The following FRMD4B variants were observed in gnomAD, a reference collection of about 807,000 sequenced individuals.
FRMD4B encodes the protein FERM domain containing 4B.
FRMD4B carries 74 observed loss-of-function variants against 141.5 expected under a neutral mutation model. That is an observed-to-expected ratio of 0.52 (90% CI 0.43 to 0.63). The LOEUF is 0.63. Ranked by LOEUF, FRMD4B falls within the 30% of genes least tolerant of loss-of-function variation. The pLI is 0.00. For synonymous variants in FRMD4B, 506 were observed against 467.9 expected, an observed-to-expected ratio of 1.08 and a Z score of -1.05; for missense variants, 1,366 against 1,253.4, an observed-to-expected ratio of 1.09 and a Z score of -1.36.
chr3:69,535,217 A>G (rs1701066760), intron 1 of FRMD4B, among the ~76,000 whole-genome samples: 1 of 151,782 alleles, frequency 6.6e-6, no homozygotes, highest in Non-Finnish European at 1.5e-5. Flanking sequence ...ACCAGTATTC[A>G]CAACAATGAC....
chr3:69,430,079 T>C (rs1705154015), intron 2 of FRMD4B, among the ~76,000 whole-genome samples: 1 of 152,132 alleles, frequency 6.6e-6, no homozygotes, highest in South Asian at 2.1e-4. Flanking sequence ...CTCTTCTTAT[T>C]GATCCAAGGC....
intron 5 of FRMD4B, among the ~76,000 whole-genome samples, chr3:69,267,591 GTGTGTATATATATATATATA>G (rs1488219913): frequency 3.1e-5 from 3 of 98,160 alleles, no homozygotes; most frequent in African/African-American, 1.3e-4. Flanking sequence ...GTGTGTGTGT[GTGTGTATATATATATATATA>G]TATATATATA....
Position 69,302,581 on chromosome 3 carries a change from C to G in FRMD4B, c.324-146G>C, listed in dbSNP as rs535452001. 2.0e-5 allele frequency: 12 copies of G among 601,300 alleles called. 1 individual carries two copies. In the South Asian group the frequency reaches 2.5e-4, roughly 13 times the overall value. 37.2% of individuals were successfully genotyped at this position (601,300 alleles called of 1,614,324 possible). On this transcript the variant is annotated intron_variant, in intron 3 of 22. Coordinates refer to ENST00000398540, the MANE Select transcript of FRMD4B (RefSeq NM_015123.3). ...CTGTTACAACTGGTAATGAGACCAACTCAGCAATTTCTTTCAAAACTATGA... is the reference window on the plus strand; with the variant it reads ...CTGTTACAACTGGTAATGAGACCAAGTCAGCAATTTCTTTCAAAACTATGA...
chr3:69,190,350 T>G (rs1000398553), intron 17 of FRMD4B, among the ~76,000 whole-genome samples: 6 of 152,084 alleles, frequency 3.9e-5, no homozygotes, highest in African/African-American at 1.4e-4. Flanking sequence ...GAATCCTCAT[T>G]TGAAAATCTA....
At chr3:69,364,126 G>T (rs910854896) in intron 1 of FRMD4B, among the ~76,000 whole-genome samples, 4 of 152,204 alleles carry the variant, frequency 2.6e-5, no homozygotes, top group Non-Finnish European at 1.5e-5. Context: ...GTTTAAATCA[G>T]GCTTAGAAAA....
intron 1 of FRMD4B, among the ~76,000 whole-genome samples, chr3:69,434,719 A>G (rs1575801584): frequency 6.6e-6 from 1 of 152,200 alleles, no homozygotes; most frequent in East Asian, 1.9e-4. Flanking sequence ...TTGGTACAAG[A>G]TACTTGTGAT....
intron 1 of FRMD4B, among the ~76,000 whole-genome samples, chr3:69,455,818 T>A (rs978342691): frequency 1.3e-5 from 2 of 152,238 alleles, no homozygotes; most frequent in African/African-American, 4.8e-5. Flanking sequence ...AACATTGTGC[T>A]GGCTCCCACT....
chr3:69,476,364 T>C (rs1286206679), intron 1 of FRMD4B, among the ~76,000 whole-genome samples: 2 of 152,218 alleles, frequency 1.3e-5, no homozygotes, highest in African/African-American at 4.8e-5. Flanking sequence ...TTATTCCATC[T>C]TGAATTAATT....
intron 1 of FRMD4B, among the ~76,000 whole-genome samples, chr3:69,515,486 A>G (rs1298454199): frequency 6.6e-6 from 1 of 152,068 alleles, no homozygotes. Context: ...TTGGTCTTTC[A>G]TTTGTATCAG....
At chr3:69,484,775 C>A (rs1474149312) in intron 1 of FRMD4B, among the ~76,000 whole-genome samples, 2 of 152,110 alleles carry the variant, frequency 1.3e-5, no homozygotes, top group Non-Finnish European at 2.9e-5. Context: ...CATCATCTCT[C>A]CATCCTCTCT....
At chr3:69,362,050 G>A (rs1427173154) in intron 1 of FRMD4B, among the ~76,000 whole-genome samples, 2 of 152,196 alleles carry the variant, frequency 1.3e-5, no homozygotes, top group Non-Finnish European at 2.9e-5. Flanking sequence ...TAGTGACTGT[G>A]AAGTAGTAGA....
chr3:69,307,255 A>G (rs1575713754), intron 3 of FRMD4B, among the ~76,000 whole-genome samples: 3 of 152,148 alleles, frequency 2.0e-5, no homozygotes, highest in African/African-American at 7.2e-5. Flanking sequence ...TGTGTGAACC[A>G]TTCTTCTCCC....
chr3:69,200,568 G>T lies in FRMD4B; in HGVS notation c.877-1794C>A. On this transcript the variant is annotated intron_variant, in intron 11 of 22. Coordinates refer to ENST00000398540, the MANE Select transcript of FRMD4B (RefSeq NM_015123.3). ...CAATTTCACAAACTGAGCCTCCCAC[G>T]GCTGACACACTACTGACATCAGCAA... 3 of 1,128,460 alleles carry T rather than the reference G, an allele frequency of 2.7e-6. No individual in the cohort carries two copies. In the South Asian group the frequency reaches 6.0e-5, roughly 23 times the overall value. The allele number at this position is 1,128,460 out of a possible 1,614,324, so 69.9% of individuals were successfully genotyped here.
intron 1 of FRMD4B, among the ~76,000 whole-genome samples, chr3:69,358,613 A>G (rs1246523696): frequency 6.6e-6 from 1 of 152,078 alleles, no homozygotes; most frequent in Non-Finnish European, 1.5e-5. Flanking sequence ...GCATGCGCCT[A>G]TAGTCCCAGA....
At chr3:69,236,466 T>G (rs2093346344) in intron 7 of FRMD4B, among the ~76,000 whole-genome samples, 1 of 152,132 alleles carries the variant, frequency 6.6e-6, no homozygotes, top group African/African-American at 2.4e-5. Context: ...TGACCTCAAA[T>G]GATCCGCCCG....
At chr3:69,453,410 G>C (rs1030769626) in intron 1 of FRMD4B, among the ~76,000 whole-genome samples, 8 of 152,134 alleles carry the variant, frequency 5.3e-5, no homozygotes, top group Non-Finnish European at 1.5e-5. Flanking sequence ...CCTCTGACTT[G>C]GCACCGTGCA....
intron 1 of FRMD4B, among the ~76,000 whole-genome samples, chr3:69,452,697 T>C (rs936713167): frequency 6.6e-6 from 1 of 152,210 alleles, no homozygotes; most frequent in Admixed American, 6.5e-5. Context: ...ATTTAGAGAC[T>C]GAGACTATAT....
intron 1 of FRMD4B, among the ~76,000 whole-genome samples, chr3:69,328,822 C>CT (rs1330189657): frequency 6.6e-6 from 1 of 152,208 alleles, no homozygotes; most frequent in Non-Finnish European, 1.5e-5. Context: ...ACCCTCACTT[C>CT]TGGGAACTGC....
chr3:69,172,105 G>T, intron 22 of FRMD4B, 124 bp from the exon 23 acceptor site: 1 of 790,152 alleles, frequency 1.3e-6, no homozygotes, highest in Non-Finnish European at 2.1e-6. Context: ...AAAATGTAGA[G>T]ATAAGGGAAA....
Sources: allele counts gnomAD v4.1 joint callset (sites outside exome capture counted in the v4.1 genomes callset), GRCh38; gene constraint gnomAD v4.1.1; transcripts MANE v1.5; gene names NCBI Gene and HGNC (gene_info 2026-07-23, HGNC 2026-07-21).